The following CBL variants were observed in gnomAD, a reference collection of about 807,000 sequenced individuals.
The protein encoded by CBL is Cbl proto-oncogene, also known as E3 ubiquitin-protein ligase CBL.
A neutral mutation model predicts 96.9 loss-of-function variants in CBL; 45 were observed. That is an observed-to-expected ratio of 0.46 (90% confidence interval 0.37 to 0.60). CBL has a LOEUF of 0.60. CBL is among the 20% of genes least tolerant of loss of function. The pLI is 0.00. For synonymous variants in CBL, 420 were observed against 426.8 expected, an observed-to-expected ratio of 0.98 and a Z score of 0.20; for missense variants, 1,024 against 1,143.5, an observed-to-expected ratio of 0.90 and a Z score of 1.51.
At chr11:119,291,617 C>T (rs992387618) in intron 12 of CBL, among the ~76,000 whole-genome samples, 4 of 152,058 alleles carry the variant, frequency 2.6e-5, no homozygotes, top group Admixed American at 6.6e-5. Flanking sequence ...CTGAAGTGGG[C>T]GGATCACCTA....
At chr11:119,282,872 C>T (rs1949948223) in intron 9 of CBL, among the ~76,000 whole-genome samples, 1 of 152,010 alleles carries the variant, frequency 6.6e-6, no homozygotes, top group South Asian at 2.1e-4. Context: ...TCACTTTAGC[C>T]CAGAGGTTTG....
In CBL at chr11:119,307,784, C is replaced by T. The variant is rs887832743; in HGVS notation, c.*8003C>T. 1.4e-5 allele frequency: 3 copies of T among 216,422 alleles called. No homozygotes were observed. The highest frequency in any genetic ancestry group is 4.5e-5 in the African/African-American group (2 of 44,364). The allele number at this position is 216,422 out of a possible 1,614,324, so 13.4% of individuals were successfully genotyped here. The stretch of plus-strand genomic sequence containing the variant: ...ATGCTTTCTCCAGAATGAAGAGTCC[C>T]AATTTGTATATCAGTGTTAAGAAGA... On this transcript the variant is annotated 3_prime_UTR_variant, in exon 16 of 16. Transcript: ENST00000264033.
At chr11:119,290,778 C>T (rs1421107285) in intron 12 of CBL, among the ~76,000 whole-genome samples, 2 of 151,488 alleles carry the variant, frequency 1.3e-5, no homozygotes, top group Admixed American at 6.6e-5. Context: ...TGGGTTCAAG[C>T]GAATCTCCTG....
chr11:119,290,742 C>T (rs1950020897), intron 12 of CBL, among the ~76,000 whole-genome samples: 1 of 151,234 alleles, frequency 6.6e-6, no homozygotes. Context: ...GTGGCACGAT[C>T]TTGGCTCACT....
At chr11:119,248,777 TCAAAA>T (rs1949650051) in intron 2 of CBL, among the ~76,000 whole-genome samples, 1 of 152,146 alleles carries the variant, frequency 6.6e-6, no homozygotes, top group South Asian at 2.1e-4. Context: ...GTAAAGAACT[TCAAAA>T]CAACAACAAA....
intron 1 of CBL, among the ~76,000 whole-genome samples, chr11:119,208,312 C>T (rs1726792441): frequency 6.6e-6 from 1 of 151,828 alleles, no homozygotes; most frequent in African/African-American, 2.4e-5. Context: ...CATGTGGGTG[C>T]AGTACAATCA....
rs1009525784 is a variant in CBL, at chr11:119,305,911, C to G, written c.*6130C>G. On this transcript the variant is annotated 3_prime_UTR_variant, in exon 16 of 16. Transcript: ENST00000264033. Reference sequence around the variant, plus strand: ...GTCATTTGATACACACAGAAGTTACCTAATAATCCAAAGATGTCCATCAAG... The same window carrying G: ...GTCATTTGATACACACAGAAGTTACGTAATAATCCAAAGATGTCCATCAAG... The G allele has an allele frequency of 3.9e-6, 1 of 255,068 alleles. No homozygotes were observed. Among genetic ancestry groups the G allele is most frequent in the Admixed American group, 5.4e-5 (1 of 18,372 alleles). The allele number at this position is 255,068 out of a possible 1,614,324, so 15.8% of individuals were successfully genotyped here.
At chr11:119,254,638 G>T (rs1949696946) in intron 2 of CBL, among the ~76,000 whole-genome samples, 1 of 151,030 alleles carries the variant, frequency 6.6e-6, no homozygotes, top group African/African-American at 2.4e-5. Context: ...GTCTCGTCCT[G>T]TCGCCCAGGC....
At chr11:119,296,800 T>G in intron 12 of CBL, 118 bp from the exon 13 acceptor site, 1 of 691,398 alleles carries the variant, frequency 1.4e-6, no homozygotes, top group Non-Finnish European at 2.6e-6. Context: ...GTTCCCTAGG[T>G]GACATGTATT....
At chr11:119,258,053 C>T (rs978306749) in intron 2 of CBL, among the ~76,000 whole-genome samples, 3 of 151,950 alleles carry the variant, frequency 2.0e-5, no homozygotes, top group Non-Finnish European at 4.4e-5. Context: ...ATGGTGAAAC[C>T]CCCTGTCTAC....
At position 119,303,177 on chromosome 11, in the gene CBL, CT is replaced by C. The variant is rs1950113151; in HGVS notation, c.*3401del. On this transcript the variant is annotated 3_prime_UTR_variant, in exon 16 of 16. Transcript: ENST00000264033. Reference sequence around the variant, plus strand: ...TATATATTCCCTTTAAGATCTAGTTCTTTTTGTAGGTGTTCAGCAATGGTGA... The same window carrying C: ...TATATATTCCCTTTAAGATCTAGTTCTTTTGTAGGTGTTCAGCAATGGTGA... The C allele has an allele frequency of 4.3e-6, 1 of 231,426 alleles. No homozygotes were observed. The highest frequency in any genetic ancestry group is 8.6e-6 in the Non-Finnish European group (1 of 116,724). The allele number at this position is 231,426 out of a possible 1,614,324, so 14.3% of individuals were successfully genotyped here. A position where few individuals can be genotyped will look rare whatever the true frequency, so the allele number is the denominator to read the frequency against.
At chr11:119,230,358 T>C (rs898511012) in intron 1 of CBL, among the ~76,000 whole-genome samples, 4 of 152,254 alleles carry the variant, frequency 2.6e-5, no homozygotes, top group African/African-American at 9.6e-5. Flanking sequence ...TTCACCGTGG[T>C]CTGGATCTCC....
chr11:119,262,111 G>A (rs1374002061), intron 2 of CBL, among the ~76,000 whole-genome samples: 1 of 152,162 alleles, frequency 6.6e-6, no homozygotes, highest in East Asian at 1.9e-4. Context: ...ATGACTTGAT[G>A]TGTTGAGAAG....
At chr11:119,207,161 T>C (rs976336768) in intron 1 of CBL, among the ~76,000 whole-genome samples, 5 of 152,082 alleles carry the variant, frequency 3.3e-5, no homozygotes, top group Admixed American at 2.6e-4. Context: ...CATTAAGATG[T>C]AACACGAAGA....
intron 2 of CBL, among the ~76,000 whole-genome samples, chr11:119,241,551 A>G (rs542685019): frequency 6.6e-6 from 1 of 152,220 alleles, no homozygotes; most frequent in South Asian, 2.1e-4. Context: ...CCAAAGCATA[A>G]CCTCCATATT....
chr11:119,232,325 A>G (rs1451440314), intron 1 of CBL, 123 bp from the exon 2 acceptor site: 3 of 1,074,892 alleles, frequency 2.8e-6, no homozygotes, highest in Non-Finnish European at 4.2e-6. Context: ...TCTGCTTCTT[A>G]TATTCTCATG....
intron 1 of CBL, among the ~76,000 whole-genome samples, chr11:119,213,338 A>G (rs984992434): frequency 3.3e-5 from 5 of 152,196 alleles, no homozygotes; most frequent in African/African-American, 9.7e-5. Context: ...GTACACAAGC[A>G]TAGTGGTAGG....
chr11:119,249,702 A>G (rs765764655), intron 2 of CBL, among the ~76,000 whole-genome samples: 1 of 146,808 alleles, frequency 6.8e-6, no homozygotes, highest in Non-Finnish European at 1.5e-5. Context: ...GTCTCCCTTT[A>G]TCTCCCAGGT....
chr11:119,253,249 G>C (rs1949684371), intron 2 of CBL, among the ~76,000 whole-genome samples: 1 of 151,830 alleles, frequency 6.6e-6, no homozygotes, highest in Non-Finnish European at 1.5e-5. Flanking sequence ...ATTTTTTTAA[G>C]TATTCTCATA....
Sources: allele counts gnomAD v4.1 joint callset (sites outside exome capture counted in the v4.1 genomes callset), GRCh38; gene constraint gnomAD v4.1.1; transcripts MANE v1.5; gene names NCBI Gene and HGNC (gene_info 2026-07-23, HGNC 2026-07-21).